DLGAP4: variants seen among roughly 807,000 people sequenced by gnomAD.
The protein encoded by DLGAP4 is disks large-associated protein 4.
Under a neutral mutation model 86.9 loss-of-function variants are expected in DLGAP4, and 18 were observed. The ratio of observed to expected loss-of-function variants is 0.21; its 90% CI spans 0.14 to 0.31. The LOEUF (loss-of-function observed/expected upper bound fraction) is 0.31, where lower values mean the gene tolerates loss of function less well. DLGAP4 is among the 10% of genes least tolerant of loss of function. The pLI, the probability that DLGAP4 is intolerant of heterozygous loss-of-function variation, is 1.00. For synonymous variants in DLGAP4, 548 were observed against 574.3 expected, an observed-to-expected ratio of 0.95 and a Z score of 0.65; for missense variants, 1,085 against 1,362.6, an observed-to-expected ratio of 0.80 and a Z score of 3.21.
intron 11 of DLGAP4, among the ~76,000 whole-genome samples, chr20:36,525,234 A>G (rs1391359257): frequency 1.6e-5 from 2 of 125,530 alleles, no homozygotes; most frequent in East Asian, 2.3e-4. Flanking sequence ...AAAAAAAAAA[A>G]AAAAAAAAAA....
chr20:36,335,181 T>G (rs148983037), intron 1 of DLGAP4, among the ~76,000 whole-genome samples: 1 of 152,106 alleles, frequency 6.6e-6, no homozygotes, highest in Non-Finnish European at 1.5e-5. Context: ...ATGGGGAGAC[T>G]AGGGGACCCT....
chr20:36,521,718 C>G (rs1198496029), intron 10 of DLGAP4, among the ~76,000 whole-genome samples: 1 of 152,148 alleles, frequency 6.6e-6, no homozygotes, highest in East Asian at 1.9e-4. Context: ...TCCTCCTGCT[C>G]TAGTTCCAGA....
chr20:36,332,620 C>G (rs2065281274), intron 1 of DLGAP4, among the ~76,000 whole-genome samples: 1 of 152,228 alleles, frequency 6.6e-6, no homozygotes, highest in South Asian at 2.1e-4. Flanking sequence ...AAACTCCTAA[C>G]CTCAAGTGAT....
intron 2 of DLGAP4, among the ~76,000 whole-genome samples, chr20:36,425,561 C>CAT (rs61149315): frequency 0.46 from 69,393 of 150,084 alleles, 15,950 homozygotes; most frequent in Non-Finnish European, 0.48. Context: ...CGTGGTGGCT[C>CAT]GCCTGTAATC....
intron 10 of DLGAP4, chr20:36,507,828 G>C (rs1355689451): frequency 6.6e-6 from 1 of 152,220 alleles, no homozygotes; most frequent in Non-Finnish European, 1.5e-5. Context: ...AAGGCTCAAG[G>C]GCTTGGGGTG....
Position 36,431,170 on chromosome 20 carries a change from C to T in DLGAP4, c.-72-476C>T, listed in dbSNP as rs2033120461. ...CAGGGTCCTCCCGTGGGAGGTGGAC[C>T]CTGCCACAGGGACCATCCTGGGGTT... On this transcript the variant is annotated intron_variant, in intron 2 of 12. Transcript: ENST00000339266. This position sits in a 1 kb window ranked among gnomAD's most constrained non-coding sequence, Gnocchi z 5.1. Among the ~76,000 whole-genome samples the T allele has an allele frequency of 6.6e-6, 1 of 151,374 alleles. No homozygotes were observed. The highest frequency in any genetic ancestry group is 2.1e-4 in the South Asian group (1 of 4,792).
At chr20:36,405,452 T>C (rs1189912741) in intron 2 of DLGAP4, among the ~76,000 whole-genome samples, 2 of 152,158 alleles carry the variant, frequency 1.3e-5, no homozygotes, top group Non-Finnish European at 2.9e-5. Context: ...ATTCTAAGTA[T>C]TATGTACACA....
intron 11 of DLGAP4, among the ~76,000 whole-genome samples, chr20:36,524,693 C>A (rs901455694): frequency 6.6e-6 from 1 of 151,530 alleles, no homozygotes; most frequent in South Asian, 2.1e-4. Flanking sequence ...ACCTGAGGTC[C>A]GGAGTTCGAG....
chr20:36,476,318 CTT>C (rs1028980966), intron 7 of DLGAP4, among the ~76,000 whole-genome samples: 2 of 119,596 alleles, frequency 1.7e-5, no homozygotes, highest in Middle Eastern at 4.3e-3. Flanking sequence ...TGGCAACCAC[CTT>C]TTTTTTTTTT....
At chr20:36,319,524 C>A (rs2147342910) in intron 1 of DLGAP4, among the ~76,000 whole-genome samples, 1 of 152,338 alleles carries the variant, frequency 6.6e-6, no homozygotes, top group Admixed American at 6.5e-5. Context: ...TAGCCCAGGG[C>A]AGCTCACAGA....
intron 2 of DLGAP4, among the ~76,000 whole-genome samples, chr20:36,399,415 G>A (rs1335941658): frequency 6.6e-6 from 1 of 152,160 alleles, no homozygotes; most frequent in Non-Finnish European, 1.5e-5. Flanking sequence ...CACATTCTGT[G>A]TAAGAAAAAA....
At chr20:36,515,898 A>G (rs2037009228) in intron 10 of DLGAP4, among the ~76,000 whole-genome samples, 1 of 152,262 alleles carries the variant, frequency 6.6e-6, no homozygotes, top group Non-Finnish European at 1.5e-5. Flanking sequence ...TGTTTATTTC[A>G]TTCTCAAGAA....
chr20:36,446,193 A>G (rs1162030138), intron 6 of DLGAP4, among the ~76,000 whole-genome samples: 3 of 152,122 alleles, frequency 2.0e-5, no homozygotes, highest in Admixed American at 1.3e-4. Context: ...CCTTAAATAC[A>G]TATTTGGAGT....
At chr20:36,523,287 G>A (rs2037491916) in intron 10 of DLGAP4, among the ~76,000 whole-genome samples, 2 of 152,054 alleles carry the variant, frequency 1.3e-5, no homozygotes, top group Non-Finnish European at 2.9e-5. Context: ...GAGCCACTAT[G>A]CCCGGCTGAT....
At chr20:36,395,424 G>A (rs1405831553) in intron 2 of DLGAP4, among the ~76,000 whole-genome samples, 3 of 152,270 alleles carry the variant, frequency 2.0e-5, no homozygotes, top group Non-Finnish European at 2.9e-5. Context: ...CAATGAATGC[G>A]TGAACCTAAA....
chr20:36,436,421 GGGA>G (rs2033279962), intron 4 of DLGAP4, 71 bp downstream of exon 4: 1 of 1,471,180 alleles, frequency 6.8e-7, no homozygotes, highest in Non-Finnish European at 9.0e-7. Context: ...CTTGCTCCCT[GGGA>G]GGAGCCCTGC....
At chr20:36,441,396 G>A (rs1394654949) in intron 5 of DLGAP4, among the ~76,000 whole-genome samples, 1 of 152,152 alleles carries the variant, frequency 6.6e-6, no homozygotes. Flanking sequence ...GTCTCTGCTC[G>A]AATGTCACTT....
intron 7 of DLGAP4, among the ~76,000 whole-genome samples, chr20:36,476,318 CTTTTTTTT>C (rs1028980966): frequency 2.5e-5 from 3 of 119,598 alleles, no homozygotes; most frequent in African/African-American, 6.3e-5. Flanking sequence ...TGGCAACCAC[CTTTTTTTT>C]TTTTTTTTTT....
chr20:36,396,336 CGCACACACACA>C (rs2031952526), intron 2 of DLGAP4, among the ~76,000 whole-genome samples: 1 of 656 alleles, frequency 1.5e-3, no homozygotes, highest in Non-Finnish European at 3.2e-3. Context: ...CACACACACA[CGCACACACACA>C]CACACATACC....
Sources: allele counts gnomAD v4.1 joint callset (sites outside exome capture counted in the v4.1 genomes callset), GRCh38; gene constraint gnomAD v4.1.1; non-coding constraint Gnocchi (gnomAD v3.1); transcripts MANE v1.5; gene names NCBI Gene and HGNC (gene_info 2026-07-23, HGNC 2026-07-21).